The following OR10A6 variants were observed in gnomAD, a reference collection of about 807,000 sequenced individuals.
OR10A6 encodes the protein olfactory receptor family 10 subfamily A member 6 (gene/pseudogene).
OR10A6 carries 2 observed loss-of-function variants against 1.5 expected under a neutral mutation model. The ratio of observed to expected loss-of-function variants is 1.31; its 90% confidence interval spans 0.54 to 4.13. The LOEUF is 4.13. Among genes scored for constraint, OR10A6 ranks in the 30% most tolerant of loss-of-function variants. OR10A6 has a pLI of 0.07. For missense variants in OR10A6, 492 were observed against 368.6 expected (o/e 1.33, Z -2.74); for synonymous variants, 169 against 137.3 (o/e 1.23, Z -1.61).
chr11:7,928,368 C>A lies in OR10A6; in HGVS notation c.295G>T (p.Ala99Ser). 2 of 1,613,988 alleles carry A rather than the reference C, an allele frequency of 1.2e-6. No homozygotes were observed. Among genetic ancestry groups the A allele is most frequent in the Non-Finnish European group, 1.7e-6 (2 of 1,179,958 alleles). ...KTTISFGGCF[A>S]QMYFILLFGG... ...AAAAGAAGGATGAAATACATCTGTG[C>A]AAAACAGCCCCCAAAAGAAATTGTA... The change falls in exon 4 of 4, where the codon GCA becomes TCA. Residue 99 changes from alanine to serine, a missense_variant. Physicochemically the swap from Ala to Ser is moderately conservative, Grantham distance 99. Coordinates refer to ENST00000641238, the MANE Select transcript of OR10A6 (RefSeq NM_001004461.2).
rs76476907 is a variant in OR10A6 at position 7,926,232 on chromosome 11, C to G, written c.*1486G>C. ...ACCCCCCATATCCCCTCTCTGCTGA[C>G]AGTTGTTCTGTCCTTCAGTAAAATT... On this transcript the variant is annotated 3_prime_UTR_variant, in exon 4 of 4. Coordinates refer to ENST00000641238, the MANE Select transcript of OR10A6 (RefSeq NM_001004461.2). 1 of 152,436 alleles carries G rather than the reference C, an allele frequency of 6.6e-6. No homozygotes were observed. Among genetic ancestry groups the G allele is most frequent in the Non-Finnish European group, 1.5e-5 (1 of 68,250 alleles). 9.4% of individuals were successfully genotyped at this position (152,436 alleles called of 1,614,324 possible).
rs1183292622 is a variant in OR10A6, at chr11:7,927,037, T to G, written c.*681A>C. ...TAAATGACCTTCAAAAATGATCACA[T>G]GATGTTCTCTACTCAAAACACTGGA... On this transcript the variant is annotated 3_prime_UTR_variant, in exon 4 of 4. Coordinates refer to ENST00000641238, the MANE Select transcript of OR10A6 (RefSeq NM_001004461.2). 6.6e-6 allele frequency: 1 copy of G among 152,210 alleles called. No individual in the cohort carries two copies. Among genetic ancestry groups the G allele is most frequent in the East Asian group, 1.9e-4 (1 of 5,206 alleles). The allele number at this position is 152,210 out of a possible 1,614,324, so 9.4% of individuals were successfully genotyped here.
Position 7,929,755 on chromosome 11 carries a change from T to TATATATACATAC in OR10A6, c.-1094_-1093insGTATGTATATAT, listed in dbSNP as rs55811645. 2.1e-5 allele frequency: 2 copies of TATATATACATAC among 97,272 alleles called. No individual in the cohort carries two copies. Among genetic ancestry groups the TATATATACATAC allele is most frequent in the African/African-American group, 7.1e-5 (2 of 27,976 alleles). 6.0% of individuals were successfully genotyped at this position (97,272 alleles called of 1,614,324 possible). On this transcript the variant is annotated 5_prime_UTR_variant, in exon 4 of 4. The change creates a new upstream start codon in the 5' untranslated region. Transcript: ENST00000641238. ...ATATATATATATATATATATATATA[T>TATATATACATAC]ACACACACATGCACACATATATATA...
At position 7,928,529 on chromosome 11, in the gene OR10A6, A is replaced by G. The variant is rs745782371; in HGVS notation, c.134T>C (p.Ile45Thr). The G allele has an allele frequency of 2.5e-6, 4 of 1,613,864 alleles. No homozygotes were observed. The highest frequency in any genetic ancestry group is 3.4e-6 in the Non-Finnish European group (4 of 1,179,830). The change falls in exon 4 of 4, where the codon ATT becomes ACT. Residue 45 changes from isoleucine to threonine, a missense_variant. Ile to Thr is a moderately conservative substitution (Grantham distance 89). Transcript: ENST00000641238. Reference sequence around the variant, plus strand: ...CTGGTCTAGGGAGACGATGACTATAATAATGGCATTTCCTATCAGGGTCAC... The same window carrying G: ...CTGGTCTAGGGAGACGATGACTATAGTAATGGCATTTCCTATCAGGGTCAC... ...YLVTLIGNAI[I>T]IVIVSLDQSL...
Position 7,928,457 on chromosome 11 carries a change from A to T in OR10A6, c.206T>A (p.Val69Glu). The T allele has an allele frequency of 6.2e-7, 1 of 1,613,858 alleles. No individual in the cohort carries two copies. The highest frequency in any genetic ancestry group is 8.5e-7 in the Non-Finnish European group (1 of 1,179,838). ...MYLFLLNLSV[V>E]DLSFSAVIMP... ...AATAACTGCACTGAAACTCAGGTCC[A>T]CCACAGATAAGTTCAGGAGAAACAG... Residue 69 changes from valine (V) to glutamate (E), a missense_variant, in exon 4 of 4, where the codon GTG becomes GAG. Transcript: ENST00000641238.
rs1336333590 is a variant in OR10A6, at chr11:7,929,705, T to G, written c.-1043A>C. Reference sequence around the variant, plus strand: ...CCCCAGGACTTTCTCTTTCTTTCTCTCTCTCTTTCTATGTGTACATATATA... The same window carrying G: ...CCCCAGGACTTTCTCTTTCTTTCTCGCTCTCTTTCTATGTGTACATATATA... On this transcript the variant is annotated 5_prime_UTR_variant, in exon 4 of 4. Transcript: ENST00000641238. The G allele has an allele frequency of 3.7e-5, 5 of 133,784 alleles. No homozygotes were observed. The highest frequency in any genetic ancestry group is 8.1e-5 in the Admixed American group (1 of 12,408). 8.3% of individuals were successfully genotyped at this position (133,784 alleles called of 1,614,324 possible). A position where few individuals can be genotyped will look rare whatever the true frequency, so the allele number is the denominator to read the frequency against.
rs1424118626 is a variant in OR10A6, at chr11:7,925,766, A to G, written c.*1952T>C. On this transcript the variant is annotated 3_prime_UTR_variant, in exon 4 of 4. Transcript: ENST00000641238. Reference sequence around the variant, plus strand: ...TTCAGGATATCAAGAGATGGGATCCAATCAAAGGCTTTTGCTGAGGGCTGT... The same window carrying G: ...TTCAGGATATCAAGAGATGGGATCCGATCAAAGGCTTTTGCTGAGGGCTGT... 6.6e-6 allele frequency: 1 copy of G among 152,236 alleles called. No individual in the cohort carries two copies. Among genetic ancestry groups the G allele is most frequent in the Non-Finnish European group, 1.5e-5 (1 of 68,040 alleles). 9.4% of individuals were successfully genotyped at this position (152,236 alleles called of 1,614,324 possible). A position where few individuals can be genotyped will look rare whatever the true frequency, so the allele number is the denominator to read the frequency against.
chr11:7,930,343 G>A lies in OR10A6; in HGVS notation c.-1681C>T, dbSNP rs972102089. ...GGAGGATGGCAGGAGGAGGAAAACT[G>A]ACTTGCTCAAGTCAGGAGGCACTTG... is the stretch of plus-strand genomic sequence containing the variant. On this transcript the variant is annotated 5_prime_UTR_variant, in exon 4 of 4. Coordinates refer to ENST00000641238, the MANE Select transcript of OR10A6 (RefSeq NM_001004461.2). The A allele has an allele frequency of 1.3e-5, 2 of 152,002 alleles. No homozygotes were observed. Among genetic ancestry groups the A allele is most frequent in the East Asian group, 3.9e-4 (2 of 5,158 alleles). 9.4% of individuals were successfully genotyped at this position (152,002 alleles called of 1,614,324 possible).
chr11:7,930,896 A>G lies in OR10A6; in HGVS notation c.-1882-7T>C, dbSNP rs1313433090. On this transcript the variant is annotated splice_region_variant and splice_polypyrimidine_tract_variant and intron_variant, in intron 2 of 3. Coordinates refer to ENST00000641238, the MANE Select transcript of OR10A6 (RefSeq NM_001004461.2). The stretch of plus-strand genomic sequence containing the variant: ...TCCTCCCCAAGGCTTCAGCCTGCCA[A>G]TGGAAAGAGGTAAGTGTTGAACTTA... The G allele has an allele frequency of 6.6e-6, 1 of 152,196 alleles. No homozygotes were observed. Among genetic ancestry groups the G allele is most frequent in the African/African-American group, 2.4e-5 (1 of 41,436 alleles). The allele number at this position is 152,196 out of a possible 1,614,324, so 9.4% of individuals were successfully genotyped here. A position where few individuals can be genotyped will look rare whatever the true frequency, so the allele number is the denominator to read the frequency against.
chr11:7,927,740 C>T lies in OR10A6; in HGVS notation c.923G>A (p.Arg308Gln), dbSNP rs538357088. ...CAGTCAGATTGTGTGTAAAACCACT[C>T]GCCTTCGCCATAATTTCATCAAAGC... Reference protein sequence around the residue: ...KRALMKLWRRRVVLHTI With the variant: ...KRALMKLWRRQVVLHTI Residue 308 changes from arginine (R) to glutamine (Q), a missense_variant, in exon 4 of 4, where the codon CGA becomes CAA. Arg to Gln is a conservative substitution (Grantham distance 43). Transcript: ENST00000641238. 47 of 1,612,778 alleles carry T rather than the reference C, an allele frequency of 2.9e-5. No individual in the cohort carries two copies. The highest frequency in any genetic ancestry group is 4.4e-5 in the South Asian group (4 of 91,004).
Position 7,927,726 on chromosome 11 carries a change from T to C in OR10A6, c.937A>G (p.Thr313Ala). ...KLWRRRVVLH[T>A]I ...ATGGCTTCTCAACACAGTCAGATTG[T>C]GTGTAAAACCACTCGCCTTCGCCAT... is the stretch of plus-strand genomic sequence containing the variant. Residue 313 changes from threonine (T) to alanine (A), a missense_variant, in exon 4 of 4, where the codon ACA (threonine) becomes GCA (alanine). Thr to Ala is a moderately conservative substitution (Grantham distance 58). Transcript: ENST00000641238. 2 of 1,607,534 alleles carry C rather than the reference T, an allele frequency of 1.2e-6. No individual in the cohort carries two copies. Among genetic ancestry groups the C allele is most frequent in the Non-Finnish European group, 1.7e-6 (2 of 1,174,380 alleles).
rs569761649 is a variant in OR10A6 at position 7,930,516 on chromosome 11, C to A, written c.-1853-1G>T. 1 of 152,192 alleles carries A rather than the reference C, an allele frequency of 6.6e-6. No homozygotes were observed. The highest frequency in any genetic ancestry group is 1.9e-4 in the East Asian group (1 of 5,152). 9.4% of individuals were successfully genotyped at this position (152,192 alleles called of 1,614,324 possible). ...ATACAGTGCTGTCTTGAGTGCAGAC[C>A]TGTAGGACATTAGCAGACAGGAGAA... On this transcript the variant is annotated splice_acceptor_variant, in intron 3 of 3. Transcript: ENST00000641238. LOFTEE classifies it low-confidence loss of function (5UTR_SPLICE).
chr11:7,929,250 A>T lies in OR10A6; in HGVS notation c.-588T>A, dbSNP rs4523689. 1 of 151,914 alleles carries T rather than the reference A, an allele frequency of 6.6e-6. No homozygotes were observed. Among genetic ancestry groups the T allele is most frequent in the South Asian group, 2.1e-4 (1 of 4,826 alleles). 9.4% of individuals were successfully genotyped at this position (151,914 alleles called of 1,614,324 possible). A position where few individuals can be genotyped will look rare whatever the true frequency, so the allele number is the denominator to read the frequency against. ...GGGGATTTGAATTTTCAACACAACCATATTAGGTGACCTATAGACTATGTG... is the reference window on the plus strand; with the variant it reads ...GGGGATTTGAATTTTCAACACAACCTTATTAGGTGACCTATAGACTATGTG... On this transcript the variant is annotated 5_prime_UTR_variant, in exon 4 of 4. An upstream start codon of the reference 5' UTR is lost. Coordinates refer to ENST00000641238, the MANE Select transcript of OR10A6 (RefSeq NM_001004461.2).
In OR10A6 at chr11:7,929,411, A is replaced by G. The variant is rs1432219879; in HGVS notation, c.-749T>C. 2 of 151,976 alleles carry G rather than the reference A, an allele frequency of 1.3e-5. No homozygotes were observed. Among genetic ancestry groups the G allele is most frequent in the African/African-American group, 4.8e-5 (2 of 41,384 alleles). 9.4% of individuals were successfully genotyped at this position (151,976 alleles called of 1,614,324 possible). A position where few individuals can be genotyped will look rare whatever the true frequency, so the allele number is the denominator to read the frequency against. On this transcript the variant is annotated 5_prime_UTR_variant, in exon 4 of 4. An upstream start codon of the reference 5' UTR is lost. Coordinates refer to ENST00000641238, the MANE Select transcript of OR10A6 (RefSeq NM_001004461.2). ...ACCATGATGACTTAAGAAAAAAACC[A>G]TTTGGGGGATCATTGTGTAATTTAA...
rs765667606 is a variant in OR10A6, at chr11:7,926,382, G to T, written c.*1336C>A. 6.6e-6 allele frequency: 1 copy of T among 152,194 alleles called. No homozygotes were observed. Among genetic ancestry groups the T allele is most frequent in the Non-Finnish European group, 1.5e-5 (1 of 68,036 alleles). The allele number at this position is 152,194 out of a possible 1,614,324, so 9.4% of individuals were successfully genotyped here. A position where few individuals can be genotyped will look rare whatever the true frequency, so the allele number is the denominator to read the frequency against. On this transcript the variant is annotated 3_prime_UTR_variant, in exon 4 of 4. Transcript: ENST00000641238. Reference sequence around the variant, plus strand: ...ACAGAGGTGAGCTGGGGCATGCCAGGTGGGCTGTTGCCGGTCAGGGGTCCC... The same window carrying T: ...ACAGAGGTGAGCTGGGGCATGCCAGTTGGGCTGTTGCCGGTCAGGGGTCCC...
Position 7,929,966 on chromosome 11 carries a change from G to GTATATATATGTGTATATATA in OR10A6, c.-1305_-1304insTATATATACACATATATATA, listed in dbSNP as rs58402229. The GTATATATATGTGTATATATA allele has an allele frequency of 0.034, 1,947 of 57,018 alleles. 200 individuals are homozygous for GTATATATATGTGTATATATA. Among genetic ancestry groups the GTATATATATGTGTATATATA allele is most frequent in the Middle Eastern group, 0.051 (5 of 98 alleles). 3.5% of individuals were successfully genotyped at this position (57,018 alleles called of 1,614,324 possible). On this transcript the variant is annotated 5_prime_UTR_variant, in exon 4 of 4. Coordinates refer to ENST00000641238, the MANE Select transcript of OR10A6 (RefSeq NM_001004461.2). ...TCTAGTAAGGTATGTGTATGTGTAT[G>GTATATATATGTGTATATATA]TATATATATATATATATATATATAT...
In OR10A6 at chr11:7,929,966, G is replaced by GTATATATATGTATATATATA. The variant is rs58402229; in HGVS notation, c.-1305_-1304insTATATATATACATATATATA. 73 of 57,186 alleles carry GTATATATATGTATATATATA rather than the reference G, an allele frequency of 1.3e-3. 2 individuals carry two copies. Among genetic ancestry groups the GTATATATATGTATATATATA allele is most frequent in the East Asian group, 2.2e-3 (3 of 1,364 alleles). The allele number at this position is 57,186 out of a possible 1,614,324, so 3.5% of individuals were successfully genotyped here. ...TCTAGTAAGGTATGTGTATGTGTAT[G>GTATATATATGTATATATATA]TATATATATATATATATATATATAT... On this transcript the variant is annotated 5_prime_UTR_variant, in exon 4 of 4. Coordinates refer to ENST00000641238, the MANE Select transcript of OR10A6 (RefSeq NM_001004461.2).
rs1859415861 is a variant in OR10A6, at chr11:7,927,065, A to AAT, written c.*651_*652dup. On this transcript the variant is annotated 3_prime_UTR_variant, in exon 4 of 4. Coordinates refer to ENST00000641238, the MANE Select transcript of OR10A6 (RefSeq NM_001004461.2). ...TGTTCTCTACTCAAAACACTGGAGGAATATATATTCTAAAATAACCAGAAG... is the reference window on the plus strand; with the variant it reads ...TGTTCTCTACTCAAAACACTGGAGGAATATATATATTCTAAAATAACCAGAAG... The AAT allele has an allele frequency of 6.6e-6, 1 of 152,094 alleles. No individual in the cohort carries two copies. Among genetic ancestry groups the AAT allele is most frequent in the Non-Finnish European group, 1.5e-5 (1 of 68,000 alleles). 9.4% of individuals were successfully genotyped at this position (152,094 alleles called of 1,614,324 possible).
In OR10A6 at chr11:7,925,399, T is replaced by G. The variant is rs1422752506; in HGVS notation, c.*2319A>C. On this transcript the variant is annotated 3_prime_UTR_variant, in exon 4 of 4. Coordinates refer to ENST00000641238, the MANE Select transcript of OR10A6 (RefSeq NM_001004461.2). ...AGAATTAGAGTGACCTAATTTCTTA[T>G]TGTAATTTCATGAACATCTTGCCAA... 1 of 152,184 alleles carries G rather than the reference T, an allele frequency of 6.6e-6. No individual in the cohort carries two copies. The highest frequency in any genetic ancestry group is 1.5e-5 in the Non-Finnish European group (1 of 68,034). 9.4% of individuals were successfully genotyped at this position (152,184 alleles called of 1,614,324 possible). A position where few individuals can be genotyped will look rare whatever the true frequency, so the allele number is the denominator to read the frequency against.
Sources: allele counts gnomAD v4.1 joint callset, GRCh38; gene constraint gnomAD v4.1.1; transcripts MANE v1.5; gene names NCBI Gene and HGNC (gene_info 2026-07-23, HGNC 2026-07-21).